DPF1: variants seen among roughly 807,000 people sequenced by gnomAD.
DPF1 encodes the protein zinc finger protein neuro-d4.
In DPF1, 14 loss-of-function variants were observed where a neutral mutation model predicts 58.7. That is an observed-to-expected ratio of 0.24 (90% CI 0.16 to 0.37). The LOEUF is 0.37. Among genes scored for constraint, DPF1 ranks in the 10% least tolerant of loss-of-function variants. The pLI is 1.00. For missense variants in DPF1, 345 were observed against 529.9 expected, an observed-to-expected ratio of 0.65 and a Z score of 3.43; for synonymous variants, 216 against 216.0, an observed-to-expected ratio of 1.00 and a Z score of 0.00.
chr19:38,224,391 C>G, upstream of DPF1: 1 of 870,320 alleles, frequency 1.1e-6, no homozygotes, highest in South Asian at 4.6e-5. This position sits in a 1 kb window ranked among gnomAD's most constrained non-coding sequence, Gnocchi z 4.5. Flanking sequence ...CCGTCACTCA[C>G]CCGCCCTCAC....
chr19:38,216,971 G>C (rs1967066602), intron 7 of DPF1, among the ~76,000 whole-genome samples: 1 of 152,204 alleles, frequency 6.6e-6, no homozygotes, highest in Admixed American at 6.5e-5. Flanking sequence ...TGGGTGTGTA[G>C]TGGCCAGGGG....
intron 9 of DPF1, 35 bp downstream of exon 9, chr19:38,216,105 C>T (rs1329337344): frequency 6.3e-7 from 1 of 1,587,312 alleles, no homozygotes; most frequent in South Asian, 1.1e-5. Context: ...GTCCTCTGCA[C>T]CCGGCCCCCA....
chr19:38,216,276 A>C lies in DPF1; in HGVS notation c.779-17T>G. 6.2e-7 allele frequency: 1 copy of C among 1,613,852 alleles called. No homozygotes were observed. The highest frequency in any genetic ancestry group is 8.5e-7 in the Non-Finnish European group (1 of 1,179,782). ...CCTTCTTGGCTGCAAGACAGCAGAC[A>C]GGCATTGGCACGGGGCAGGCAAGGG... On this transcript the variant is annotated splice_polypyrimidine_tract_variant and intron_variant, in intron 8 of 11. Coordinates refer to ENST00000355526, the MANE Select transcript of DPF1 (RefSeq NM_001135155.3).
intron 7 of DPF1, 129 bp downstream of exon 7, chr19:38,217,331 G>C (rs994109418): frequency 5.5e-6 from 7 of 1,280,478 alleles, no homozygotes; most frequent in South Asian, 1.5e-5. Context: ...CATGGTCGGT[G>C]GGGGGAGGGA....
intron 5 of DPF1, 49 bp from the exon 6 acceptor site, chr19:38,217,925 C>A (rs1568629857): frequency 6.3e-7 from 1 of 1,599,784 alleles, no homozygotes; most frequent in African/African-American, 1.3e-5. Flanking sequence ...GAAAACAGGC[C>A]AGGCGTGGTG....
At chr19:38,213,860 G>T in intron 9 of DPF1, 104 bp from the exon 10 acceptor site, 1 of 906,652 alleles carries the variant, frequency 1.1e-6, no homozygotes, top group Non-Finnish European at 1.7e-6. Flanking sequence ...GGCTCATGAC[G>T]CCAGGATGAG....
upstream of DPF1, among the ~76,000 whole-genome samples, chr19:38,226,868 C>G (rs1967845527): frequency 6.6e-6 from 1 of 152,168 alleles, no homozygotes; most frequent in African/African-American, 2.4e-5. Context: ...TGCCCCACCC[C>G]AAACTCTCAT....
intron 5 of DPF1, among the ~76,000 whole-genome samples, chr19:38,218,225 AAAGT>A (rs1967186371): frequency 6.6e-6 from 1 of 152,180 alleles, no homozygotes; most frequent in Non-Finnish European, 1.5e-5. Flanking sequence ...AAGAAAAAAG[AAAGT>A]GAGAAAACAG....
chr19:38,227,030 C>CTTCT (rs1264924435), upstream of DPF1, among the ~76,000 whole-genome samples: 4 of 136,332 alleles, frequency 2.9e-5, no homozygotes, highest in Non-Finnish European at 6.2e-5. Context: ...TCCTTCCTTC[C>CTTCT]TTCCTTTCTT....
At chr19:38,223,944 A>C (rs1967684070) in intron 1 of DPF1, 170 bp downstream of exon 1, 2 of 884,314 alleles carry the variant, frequency 2.3e-6, no homozygotes, top group Non-Finnish European at 3.0e-6. Context: ...TGCATCCGAC[A>C]CCATTCTTGT....
upstream of DPF1, among the ~76,000 whole-genome samples, chr19:38,227,562 G>T (rs552432233): frequency 6.6e-6 from 1 of 152,226 alleles, no homozygotes; most frequent in East Asian, 1.9e-4. Flanking sequence ...TGTGGGAGCT[G>T]GCCCACAGTA....
upstream of DPF1, among the ~76,000 whole-genome samples, chr19:38,225,889 CAA>C (rs35172798): frequency 7.0e-4 from 90 of 128,430 alleles, no homozygotes; most frequent in East Asian, 1.1e-3. Flanking sequence ...ACCCTGTCTC[CAA>C]AAAAAAAAAA....
rs1433982809 is a variant in DPF1, at chr19:38,229,227, C to T, written c.-132+332G>A. Among the ~76,000 whole-genome samples the T allele has an allele frequency of 1.3e-5, 2 of 152,108 alleles. No individual in the cohort carries two copies. Among genetic ancestry groups the T allele is most frequent in the African/African-American group, 4.8e-5 (2 of 41,450 alleles). On this transcript the variant is annotated intron_variant, in intron 1 of 11. Coordinates refer to the DPF1 transcript ENST00000412732. This position sits in a 1 kb window ranked among gnomAD's most constrained non-coding sequence, Gnocchi z 5.3. ...TCAGCCCCGGCCGGGGCAGGCCCGG[C>T]ACCTCCGGAGACCCTGAGGGAGAGA...
At chr19:38,214,815 C>G (rs1034303946) in intron 9 of DPF1, among the ~76,000 whole-genome samples, 1 of 147,032 alleles carries the variant, frequency 6.8e-6, no homozygotes, top group South Asian at 2.2e-4. Flanking sequence ...TAATGGGGTG[C>G]GAAACTATGC....
At chr19:38,224,528 C>G (rs1265399489), upstream of DPF1, among the ~76,000 whole-genome samples, 1 of 152,186 alleles carries the variant, frequency 6.6e-6, no homozygotes, top group Non-Finnish European at 1.5e-5. The surrounding 1 kb of genome is among the most constrained non-coding windows in gnomAD (Gnocchi z 4.5). Flanking sequence ...CTCCTACTCA[C>G]ACACCTTCGC....
In DPF1 at chr19:38,222,796, C is replaced by G. The variant is rs1967602048; in HGVS notation, c.30-88G>C. ...ACCCCTTCCCCGGCTGCCGGGCCGCCCAGGCTCGGGAGGGGTGGGCCGACC... is the reference window on the plus strand; with the variant it reads ...ACCCCTTCCCCGGCTGCCGGGCCGCGCAGGCTCGGGAGGGGTGGGCCGACC... On this transcript the variant is annotated intron_variant, in intron 1 of 11. Coordinates refer to ENST00000355526, the MANE Select transcript of DPF1 (RefSeq NM_001135155.3). This position sits in a 1 kb window ranked among gnomAD's most constrained non-coding sequence, Gnocchi z 4.9. The G allele has an allele frequency of 1.4e-6, 2 of 1,422,462 alleles. No homozygotes were observed. The highest frequency in any genetic ancestry group is 1.8e-6 in the Non-Finnish European group (2 of 1,088,806). The allele number at this position is 1,422,462 out of a possible 1,614,324, so 88.1% of individuals were successfully genotyped here. A position where few individuals can be genotyped will look rare whatever the true frequency, so the allele number is the denominator to read the frequency against.
chr19:38,212,199 C>T (rs1185666508), intron 11 of DPF1, 66 bp from the exon 12 acceptor site: 1 of 1,556,744 alleles, frequency 6.4e-7, no homozygotes, highest in East Asian at 2.3e-5. Context: ...CCCTTCCCAC[C>T]CCGAGGACAC....
chr19:38,212,908 C>T (rs1173687709), intron 10 of DPF1, among the ~76,000 whole-genome samples: 1 of 151,370 alleles, frequency 6.6e-6, no homozygotes, highest in East Asian at 1.9e-4. Flanking sequence ...CCACCGCTCC[C>T]GGTCTGTGGG....
chr19:38,216,457 T>C (rs1353752021), intron 7 of DPF1, 54 bp from the exon 8 acceptor site: 6 of 1,512,826 alleles, frequency 4.0e-6, no homozygotes, highest in Non-Finnish European at 5.3e-6. Context: ...GGCTCCACCC[T>C]GCCCCCAGCC....
Sources: allele counts gnomAD v4.1 joint callset (sites outside exome capture counted in the v4.1 genomes callset), GRCh38; gene constraint gnomAD v4.1.1; non-coding constraint Gnocchi (gnomAD v3.1); transcripts MANE v1.5; gene names NCBI Gene and HGNC (gene_info 2026-07-23, HGNC 2026-07-21).